PPM1B: variants seen among roughly 807,000 people sequenced by gnomAD.
PPM1B encodes the protein protein phosphatase, Mg2+/Mn2+ dependent 1B.
Under a neutral mutation model 43.0 loss-of-function variants are expected in PPM1B, and 22 were observed. That is an observed-to-expected ratio of 0.51 (90% CI 0.37 to 0.73). The LOEUF (loss-of-function observed/expected upper bound fraction) is 0.73. Ranked by LOEUF, PPM1B falls within the 30% of genes least tolerant of loss-of-function variation. PPM1B has a pLI of 0.00. For missense variants in PPM1B, 632 were observed against 584.2 expected (o/e 1.08, Z -0.84); for synonymous variants, 217 against 197.9 (o/e 1.10, Z -0.81).
At chr2:44,215,151 C>T (rs749211703) in intron 3 of PPM1B, among the ~76,000 whole-genome samples, 18 of 152,182 alleles carry the variant, frequency 1.2e-4, no homozygotes, top group Non-Finnish European at 2.4e-4. Context: ...AAATTGTTAG[C>T]TAGGCAGCCA....
In PPM1B at chr2:44,218,479, G is replaced by A; in HGVS notation, c.1077-1G>A. The A allele has an allele frequency of 6.4e-7, 1 of 1,563,860 alleles. No homozygotes were observed. Among genetic ancestry groups the A allele is most frequent in the Admixed American group, 2.0e-5 (1 of 49,568 alleles). ...AACTAAAGCATGTTTTTTTTTTTTA[G>A]GCGTAATGTTATTGAAGCTGTTTAT... On this transcript the variant is annotated splice_acceptor_variant, in intron 4 of 5. Coordinates refer to ENST00000282412, the MANE Select transcript of PPM1B (RefSeq NM_002706.6). LOFTEE classifies it high-confidence loss of function.
chr2:44,194,040 G>GTTTT (rs1366390605), intron 1 of PPM1B, among the ~76,000 whole-genome samples: 1 of 151,942 alleles, frequency 6.6e-6, no homozygotes, highest in African/African-American at 2.4e-5. Flanking sequence ...TTGTTTGTTT[G>GTTTT]TTTGTTTGTT....
intron 3 of PPM1B, among the ~76,000 whole-genome samples, chr2:44,212,281 C>T (rs188995994): frequency 6.6e-6 from 1 of 152,280 alleles, no homozygotes; most frequent in Non-Finnish European, 1.5e-5. Context: ...ATTTATAACT[C>T]TCTTCTACAG....
At chr2:44,203,416 G>A (rs1669028416) in intron 2 of PPM1B, among the ~76,000 whole-genome samples, 1 of 151,966 alleles carries the variant, frequency 6.6e-6, no homozygotes, top group Non-Finnish European at 1.5e-5. Context: ...TTTGAGACAA[G>A]CATAGGCATA....
chr2:44,220,828 T>A (rs1231918751), intron 5 of PPM1B, among the ~76,000 whole-genome samples: 1 of 152,174 alleles, frequency 6.6e-6, no homozygotes, highest in Non-Finnish European at 1.5e-5. Context: ...AGATAGTATT[T>A]GAAGAATGAT....
At chr2:44,190,797 T>C (rs1668373036) in intron 1 of PPM1B, among the ~76,000 whole-genome samples, 1 of 152,206 alleles carries the variant, frequency 6.6e-6, no homozygotes, top group Admixed American at 6.5e-5. Context: ...GTTGACTAAG[T>C]TTTACTGTAA....
chr2:44,220,786 T>C (rs72800988), intron 5 of PPM1B, among the ~76,000 whole-genome samples: 1,879 of 152,318 alleles, frequency 0.012, 26 homozygotes, highest in Non-Finnish European at 0.018. Context: ...TTCAGCTGCT[T>C]AAGCAGGGGG....
downstream of PPM1B, among the ~76,000 whole-genome samples, chr2:44,244,794 A>G (rs1670823808): frequency 1.1e-4 from 15 of 141,622 alleles, no homozygotes; most frequent in South Asian, 3.3e-3. Flanking sequence ...TCCAGTATCT[A>G]TATTTAGAAG....
chr2:44,184,800 C>G (rs1229931935), intron 1 of PPM1B, among the ~76,000 whole-genome samples: 2 of 151,944 alleles, frequency 1.3e-5, no homozygotes, highest in East Asian at 3.8e-4. Context: ...TCACTAATCT[C>G]TAACTGAATT....
chr2:44,209,372 A>G, intron 3 of PPM1B, 45 bp downstream of exon 3: 1 of 1,600,270 alleles, frequency 6.2e-7, no homozygotes, highest in South Asian at 1.1e-5. Context: ...CAGGCACGGT[A>G]GCTCATGCCT....
intron 5 of PPM1B, among the ~76,000 whole-genome samples, chr2:44,226,274 C>G (rs1670205459): frequency 6.6e-6 from 1 of 152,096 alleles, no homozygotes; most frequent in Non-Finnish European, 1.5e-5. Flanking sequence ...TGCGCCCGAC[C>G]TAGTATATCT....
intron 1 of PPM1B, among the ~76,000 whole-genome samples, chr2:44,172,478 A>G (rs763205783): frequency 1.3e-5 from 2 of 152,214 alleles, no homozygotes; most frequent in Non-Finnish European, 2.9e-5. Context: ...TCTAACAAGA[A>G]CAGGTGAAGA....
chr2:44,241,960 G>A (rs1003753417), intron 5 of PPM1B, among the ~76,000 whole-genome samples: 2 of 143,076 alleles, frequency 1.4e-5, no homozygotes, highest in Non-Finnish European at 3.0e-5. Flanking sequence ...CCAGGTTCAC[G>A]CCATTCTCCT....
intron 5 of PPM1B, among the ~76,000 whole-genome samples, chr2:44,229,340 T>G (rs1670367436): frequency 6.6e-6 from 1 of 152,204 alleles, no homozygotes; most frequent in South Asian, 2.1e-4. Flanking sequence ...AAGTTTAAAT[T>G]TCCCTAGTTG....
At chr2:44,232,746 A>G (rs1486481363), downstream of PPM1B, 1 of 993,738 alleles carries the variant, frequency 1.0e-6, no homozygotes, top group African/African-American at 1.7e-5. Context: ...AGAGTAAAGA[A>G]TTGTATGATA....
Position 44,218,045 on chromosome 2 carries a change from C to G in PPM1B, c.1043C>G (p.Pro348Arg), listed in dbSNP as rs1310478839. 3 of 1,612,736 alleles carry G rather than the reference C, an allele frequency of 1.9e-6. No homozygotes were observed. Among genetic ancestry groups the G allele is most frequent in the Admixed American group, 1.7e-5 (1 of 59,690 alleles). Reference protein sequence around the residue: ...VMRILSAENIPNLPPGGGLAG... With the variant: ...VMRILSAENIRNLPPGGGLAG... ...CGCATCTTGTCTGCAGAAAATATCC[C>G]AAATTTGCCTCCTGGGGGAGGTCTT... The change falls in exon 4 of 6, where the codon CCA (proline) becomes CGA (arginine). Residue 348 changes from proline to arginine, a missense_variant. By Grantham distance (103) the Pro-to-Arg change is moderately radical. Around this residue, in one of 3 missense-constraint regions of PPM1B, gnomAD observed 392 missense variants for 302.7 expected, o/e 1.29. Transcript: ENST00000282412.
chr2:44,181,153 C>G (rs558805418), intron 1 of PPM1B, among the ~76,000 whole-genome samples: 2 of 152,212 alleles, frequency 1.3e-5, no homozygotes, highest in Admixed American at 1.3e-4. Flanking sequence ...GTATGTTGCC[C>G]AAGCTGATTG....
chr2:44,173,283 A>G (rs1667437227), intron 1 of PPM1B, among the ~76,000 whole-genome samples: 1 of 152,246 alleles, frequency 6.6e-6, no homozygotes. Flanking sequence ...TGTAATCTAT[A>G]TAGTGTATTT....
chr2:44,181,951 G>C (rs1425215293), intron 1 of PPM1B, among the ~76,000 whole-genome samples: 1 of 152,036 alleles, frequency 6.6e-6, no homozygotes, highest in East Asian at 1.9e-4. Context: ...AAAGAATAAA[G>C]AAAAAAGAAT....
Sources: gnomAD v4.1 joint callset for allele counts (sites outside exome capture counted in the v4.1 genomes callset) on GRCh38, gnomAD v4.1.1 for gene constraint, gnomAD v4.1.1 regional missense constraint, MANE v1.5 for transcripts, NCBI Gene and HGNC (gene_info 2026-07-23, HGNC 2026-07-21) for gene names.